The following EXOC2 variants were observed in gnomAD, a reference collection of about 807,000 sequenced individuals.
EXOC2 encodes the protein SEC5-like 1.
A neutral mutation model predicts 131.8 loss-of-function variants in EXOC2; 70 were observed. The observed-to-expected ratio is 0.53, with a 90% CI of 0.44 to 0.65. The LOEUF is 0.65. Among genes scored for constraint, EXOC2 ranks in the 30% least tolerant of loss-of-function variants. The probability of loss-of-function intolerance (pLI) is 0.00; values close to 1 mark genes in which losing one functional copy is unlikely to be tolerated. For synonymous variants in EXOC2, 411 were observed against 398.4 expected (o/e 1.03, Z -0.38); for missense variants, 923 against 1,108.6 (o/e 0.83, Z 2.38).
At chr6:581,048 C>T (rs1023160525) in intron 11 of EXOC2, among the ~76,000 whole-genome samples, 15 of 151,884 alleles carry the variant, frequency 9.9e-5, no homozygotes, top group African/African-American at 3.6e-4. Context: ...AATCCCAGCA[C>T]TTTGGGAGGC....
chr6:503,056 G>A (rs1764320898), intron 23 of EXOC2, among the ~76,000 whole-genome samples: 2 of 152,170 alleles, frequency 1.3e-5, no homozygotes, highest in South Asian at 4.1e-4. Context: ...CCAGTGCAGT[G>A]CCTGTGCTGG....
At chr6:501,154 TATCTA>T (rs1561785451) in intron 23 of EXOC2, among the ~76,000 whole-genome samples, 1 of 46,930 alleles carries the variant, frequency 2.1e-5, no homozygotes, top group Non-Finnish European at 3.8e-5. Context: ...ATATTATATA[TATCTA>T]TATATATTAT....
At chr6:569,727 G>A (rs1302427036) in intron 13 of EXOC2, among the ~76,000 whole-genome samples, 4 of 152,102 alleles carry the variant, frequency 2.6e-5, no homozygotes, top group African/African-American at 7.2e-5. Flanking sequence ...CAAATTACAC[G>A]TAATTAGTAA....
intron 17 of EXOC2, among the ~76,000 whole-genome samples, chr6:561,589 A>G (rs947341842): frequency 6.6e-6 from 1 of 151,928 alleles, no homozygotes; most frequent in Non-Finnish European, 1.5e-5. Context: ...TAGGATTGCT[A>G]TCTTTTTTTC....
At chr6:656,637 TGCA>T in intron 1 of EXOC2, 1 of 1,606,790 alleles carries the variant, frequency 6.2e-7, no homozygotes, top group Non-Finnish European at 8.5e-7. Flanking sequence ...GTGGGTCAGC[TGCA>T]GCTTCAGGGA....
chr6:668,864 G>A (rs896058376), intron 1 of EXOC2, among the ~76,000 whole-genome samples: 4 of 152,092 alleles, frequency 2.6e-5, no homozygotes, highest in Admixed American at 1.3e-4. Context: ...TTATCAAACT[G>A]TATTGTTTTT....
Position 555,956 on chromosome 6 carries a change from G to T in EXOC2, c.1990C>A (p.Gln664Lys), listed in dbSNP as rs931021005. The T allele has an allele frequency of 3.7e-6, 6 of 1,613,982 alleles. No individual in the cohort carries two copies. Among genetic ancestry groups the T allele is most frequent in the Non-Finnish European group, 5.1e-6 (6 of 1,179,922 alleles). The change falls in exon 19 of 28, where the codon CAG becomes AAG. Residue 664 changes from glutamine (Q) to lysine (K), a missense_variant and splice_region_variant. Coordinates refer to ENST00000230449, the MANE Select transcript of EXOC2 (RefSeq NM_018303.6). ...EVCQLSINIM[Q>K]VFIYCLEQLS... Reference sequence around the variant, plus strand: ...GCATTACTGCTTTCTATTATTACCTGCATTATATTGATGCTTAGCTGGCAA... The same window carrying T: ...GCATTACTGCTTTCTATTATTACCTTCATTATATTGATGCTTAGCTGGCAA...
At chr6:551,462 G>A (rs1757138718) in intron 21 of EXOC2, among the ~76,000 whole-genome samples, 1 of 152,234 alleles carries the variant, frequency 6.6e-6, no homozygotes, top group Admixed American at 6.5e-5. Context: ...GCAACCTGCA[G>A]AGACACATGT....
intron 1 of EXOC2, among the ~76,000 whole-genome samples, chr6:666,006 A>G (rs1422262106): frequency 6.6e-6 from 1 of 152,228 alleles, no homozygotes; most frequent in Non-Finnish European, 1.5e-5. Context: ...TTGTGAATAA[A>G]GTTTTATCAG....
intron 23 of EXOC2, among the ~76,000 whole-genome samples, chr6:520,576 C>G (rs369179851): frequency 0.13 from 89 of 686 alleles, 20 homozygotes; most frequent in East Asian, 0.57. Flanking sequence ...GAACCACCAC[C>G]CACCGAGCGC....
At chr6:521,607 G>A (rs1432967030) in intron 23 of EXOC2, among the ~76,000 whole-genome samples, 4 of 151,200 alleles carry the variant, frequency 2.6e-5, no homozygotes, top group African/African-American at 7.3e-5. Flanking sequence ...GGCTCACCAC[G>A]CCTTGACCTC....
intron 22 of EXOC2, among the ~76,000 whole-genome samples, chr6:542,610 T>C (rs896283883): frequency 3.3e-5 from 5 of 152,206 alleles, no homozygotes; most frequent in Non-Finnish European, 5.9e-5. Context: ...AATGGTTCTA[T>C]AACCACTTAA....
intron 17 of EXOC2, among the ~76,000 whole-genome samples, chr6:561,099 C>G (rs1757677605): frequency 6.6e-6 from 1 of 152,156 alleles, no homozygotes; most frequent in Non-Finnish European, 1.5e-5. Context: ...TCATTTCAAG[C>G]ATGATTTAAT....
intron 23 of EXOC2, among the ~76,000 whole-genome samples, chr6:515,194 A>C (rs567616272): frequency 1.3e-5 from 2 of 152,318 alleles, no homozygotes; most frequent in East Asian, 3.9e-4. Flanking sequence ...CCCTTGCCCC[A>C]GGTTGGCAAT....
intron 24 of EXOC2, among the ~76,000 whole-genome samples, chr6:498,989 G>A (rs1763890124): frequency 6.6e-6 from 1 of 152,204 alleles, no homozygotes; most frequent in South Asian, 2.1e-4. Flanking sequence ...CATGGTGGTA[G>A]CTCTGGTCTC....
intron 16 of EXOC2, among the ~76,000 whole-genome samples, chr6:563,235 A>G (rs931112343): frequency 2.6e-5 from 4 of 152,210 alleles, no homozygotes; most frequent in African/African-American, 9.7e-5. Flanking sequence ...TTTGAATCCT[A>G]CAGATTCCTG....
intron 11 of EXOC2, among the ~76,000 whole-genome samples, chr6:589,720 G>A (rs1003521624): frequency 2.6e-5 from 4 of 152,212 alleles, no homozygotes; most frequent in Non-Finnish European, 4.4e-5. Context: ...TGAATCGCCC[G>A]GGAGCTTGAA....
chr6:488,427 G>C (rs893050459), intron 27 of EXOC2, among the ~76,000 whole-genome samples: 2 of 152,174 alleles, frequency 1.3e-5, no homozygotes, highest in African/African-American at 4.8e-5. Flanking sequence ...CCTGTTCTAT[G>C]AGTAGTAAAG....
intron 1 of EXOC2, among the ~76,000 whole-genome samples, chr6:674,276 A>ATG (rs1764008432): frequency 6.6e-6 from 1 of 152,198 alleles, no homozygotes. Flanking sequence ...GACTGCTGAC[A>ATG]TGATTACTTC....
Sources: gnomAD v4.1 joint callset for allele counts (sites outside exome capture counted in the v4.1 genomes callset) on GRCh38, gnomAD v4.1.1 for gene constraint, MANE v1.5 for transcripts, NCBI Gene and HGNC (gene_info 2026-07-23, HGNC 2026-07-21) for gene names.